The following MAGI1 variants were observed in gnomAD, a reference collection of about 807,000 sequenced individuals.
The protein encoded by MAGI1 is membrane-associated guanylate kinase, WW and PDZ domain-containing protein 1.
A neutral mutation model predicts 139.9 loss-of-function variants in MAGI1; 58 were observed. That is an observed-to-expected ratio of 0.41 (90% CI 0.34 to 0.52). The LOEUF (loss-of-function observed/expected upper bound fraction) is 0.52. MAGI1 is among the 20% of genes least tolerant of loss of function. The pLI is 0.12. For missense variants in MAGI1, 1,874 were observed against 1,901.6 expected (o/e 0.99, Z 0.27); for synonymous variants, 812 against 737.9 (o/e 1.10, Z -1.63).
At chr3:65,360,896 T>C (rs899816871) in intron 22 of MAGI1, 5 of 1,320,062 alleles carry the variant, frequency 3.8e-6, no homozygotes, top group Admixed American at 6.7e-5. Context: ...GAGGAACAGT[T>C]TGGCACAGTA....
intron 1 of MAGI1, among the ~76,000 whole-genome samples, chr3:65,796,050 C>CAAAAA (rs35663778): frequency 6.7e-4 from 69 of 102,392 alleles, no homozygotes; most frequent in Middle Eastern, 5.7e-3. Flanking sequence ...GACTCTGTCT[C>CAAAAA]AAAAAAAAAA....
At chr3:65,767,701 G>C (rs1018862447) in intron 1 of MAGI1, among the ~76,000 whole-genome samples, 4 of 152,132 alleles carry the variant, frequency 2.6e-5, no homozygotes, top group African/African-American at 9.7e-5. Flanking sequence ...AACCAAAATG[G>C]GGTTACTCAT....
intron 1 of MAGI1, among the ~76,000 whole-genome samples, chr3:65,864,645 A>G (rs2059660104): frequency 6.6e-6 from 1 of 152,188 alleles, no homozygotes; most frequent in Admixed American, 6.5e-5. Flanking sequence ...TACTACAGAG[A>G]GGAGAAGGTG....
intron 1 of MAGI1, among the ~76,000 whole-genome samples, chr3:65,924,726 G>T (rs1461179329): frequency 6.6e-6 from 1 of 152,058 alleles, no homozygotes; most frequent in Non-Finnish European, 1.5e-5. Flanking sequence ...ACTGCCCCTC[G>T]CTGCTCCATG....
intron 2 of MAGI1, among the ~76,000 whole-genome samples, chr3:65,616,747 T>C (rs2083392565): frequency 6.6e-6 from 1 of 152,198 alleles, no homozygotes. Flanking sequence ...AGTTCATGAG[T>C]TATGACCGGA....
At chr3:65,919,177 A>G (rs1282629991) in intron 1 of MAGI1, among the ~76,000 whole-genome samples, 1 of 152,182 alleles carries the variant, frequency 6.6e-6, no homozygotes, top group Non-Finnish European at 1.5e-5. Context: ...AATTTGAGGG[A>G]GCTTTCCCCC....
intron 2 of MAGI1, among the ~76,000 whole-genome samples, chr3:65,499,560 T>C (rs905185231): frequency 6.6e-6 from 1 of 151,916 alleles, no homozygotes; most frequent in Non-Finnish European, 1.5e-5. Context: ...GAGGCAGAGG[T>C]TGCAGTGAGC....
At chr3:65,765,628 G>A (rs575637465) in intron 1 of MAGI1, among the ~76,000 whole-genome samples, 20 of 152,302 alleles carry the variant, frequency 1.3e-4, no homozygotes, top group South Asian at 2.1e-4. Flanking sequence ...GTTGCTTTGA[G>A]AAGTTTGAGC....
chr3:65,488,578 T>C (rs1053462443), intron 3 of MAGI1, among the ~76,000 whole-genome samples: 1 of 152,140 alleles, frequency 6.6e-6, no homozygotes, highest in Non-Finnish European at 1.5e-5. Context: ...TGACCTAAAA[T>C]GATCCGCCTG....
intron 1 of MAGI1, among the ~76,000 whole-genome samples, chr3:65,821,398 G>A (rs951892201): frequency 6.6e-6 from 1 of 152,066 alleles, no homozygotes; most frequent in South Asian, 2.1e-4. Context: ...TATAATTAAC[G>A]TCCACGTCTG....
At chr3:65,375,315 AGCAGCTGG>A (rs1331371627) in intron 18 of MAGI1, among the ~76,000 whole-genome samples, 1 of 151,480 alleles carries the variant, frequency 6.6e-6, no homozygotes, top group Non-Finnish European at 1.5e-5. Flanking sequence ...CAGCCTCCCG[AGCAGCTGG>A]GACTACAGGC....
intron 1 of MAGI1, chr3:65,874,501 C>T (rs1281787660): frequency 6.6e-6 from 1 of 152,094 alleles, no homozygotes; most frequent in Non-Finnish European, 1.5e-5. Flanking sequence ...TACAAAAGAC[C>T]AAATAAACAC....
chr3:65,876,915 T>G (rs2060138784), intron 1 of MAGI1, among the ~76,000 whole-genome samples: 1 of 152,042 alleles, frequency 6.6e-6, no homozygotes, highest in African/African-American at 2.4e-5. Context: ...AGCTAATTTT[T>G]TGTATTTTTA....
rs182083129 is a variant in MAGI1 at position 65,723,598 on chromosome 3, A to G, written c.314-101510T>C. Among the ~76,000 whole-genome samples the G allele has an allele frequency of 8.5e-5, 13 of 152,324 alleles. No homozygotes were observed. The East Asian group carries it at 2.5e-3, about 29-fold the overall frequency. On this transcript the variant is annotated intron_variant, in intron 1 of 22. Transcript: ENST00000402939. ...TTTGTCACAAAGGGGACTGAGTTCT[A>G]TAGATGTTATATGTGTAACATATCT...
intron 2 of MAGI1, chr3:65,499,072 A>AC: frequency 1.0e-6 from 1 of 970,520 alleles, no homozygotes; most frequent in Non-Finnish European, 1.2e-6. Flanking sequence ...AAAAAAAAAA[A>AC]ACAAAAAACT....
In MAGI1 at chr3:65,363,547, C is replaced by T. The variant is rs1941097563; in HGVS notation, c.3413G>A (p.Arg1138Gln). 2 of 1,613,988 alleles carry T rather than the reference C, an allele frequency of 1.2e-6. No homozygotes were observed. Among genetic ancestry groups the T allele is most frequent in the Non-Finnish European group, 1.7e-6 (2 of 1,179,968 alleles). The change falls in exon 21 of 23, where the codon CGA becomes CAA. Residue 1138 changes from arginine (R) to glutamine (Q), a missense_variant. Arg to Gln is a conservative substitution (Grantham distance 43, BLOSUM62 1). Around this residue, in one of 5 missense-constraint regions of MAGI1, gnomAD observed 653 missense variants for 644.5 expected, o/e 1.01. Coordinates refer to ENST00000402939, the MANE Select transcript of MAGI1 (RefSeq NM_001033057.2). ...RGAKGFGFSL[R>Q]GGREYNMDLY... ...GTCCATGTTATACTCTCGGCCTCCT[C>T]GAAGGCTAAAGCCAAATCCCTTGGC...
At chr3:66,029,683 T>C (rs1292905856) in intron 1 of MAGI1, among the ~76,000 whole-genome samples, 1 of 152,182 alleles carries the variant, frequency 6.6e-6, no homozygotes, top group Non-Finnish European at 1.5e-5. Context: ...TCTCACCTCT[T>C]CCTTGCCCTA....
intron 10 of MAGI1, among the ~76,000 whole-genome samples, 197 bp from the exon 11 acceptor site, chr3:65,431,078 A>C (rs1002226772): frequency 6.6e-6 from 1 of 152,124 alleles, no homozygotes; most frequent in East Asian, 1.9e-4. Flanking sequence ...AGGGAGGTAA[A>C]GCATTGAGTA....
intron 1 of MAGI1, among the ~76,000 whole-genome samples, chr3:65,876,671 TATTAAAG>T (rs2060129694): frequency 6.6e-6 from 1 of 152,140 alleles, no homozygotes; most frequent in Admixed American, 6.5e-5. Context: ...GCAGCAGTGA[TATTAAAG>T]ATTAATGTTT....
Sources: gnomAD v4.1 joint callset for allele counts (sites outside exome capture counted in the v4.1 genomes callset) on GRCh38, gnomAD v4.1.1 for gene constraint, gnomAD v4.1.1 regional missense constraint, MANE v1.5 for transcripts, NCBI Gene and HGNC (gene_info 2026-07-23, HGNC 2026-07-21) for gene names.